Variants in INPP5B observed in about 807,000 individuals in gnomAD.
INPP5B encodes type II inositol 1,4,5-trisphosphate 5-phosphatase.
A neutral mutation model predicts 118.5 loss-of-function variants in INPP5B; 90 were observed. The ratio of observed to expected loss-of-function variants is 0.76; its 90% CI spans 0.64 to 0.90. The LOEUF is 0.90. INPP5B is among the 40% of genes least tolerant of loss of function. INPP5B has a pLI of 0.00. For synonymous variants in INPP5B, 385 were observed against 418.9 expected (o/e 0.92, Z 0.99); for missense variants, 984 against 1,125.6 (o/e 0.87, Z 1.80).
intron 19 of INPP5B, among the ~76,000 whole-genome samples, chr1:37,872,519 C>T (rs1642523506): frequency 6.6e-6 from 1 of 151,818 alleles, no homozygotes; most frequent in South Asian, 2.1e-4. Flanking sequence ...GTTCTTCTCT[C>T]ATGTTCTTGC....
At chr1:37,868,711 T>A (rs1642205933) in intron 19 of INPP5B, 97 bp from the exon 20 acceptor site, 2 of 759,302 alleles carry the variant, frequency 2.6e-6, no homozygotes, top group Non-Finnish European at 2.4e-6. Context: ...AAGGAAAACA[T>A]TCCACTGCCC....
chr1:37,901,787 C>T (rs1429734192), intron 7 of INPP5B, among the ~76,000 whole-genome samples: 1 of 152,036 alleles, frequency 6.6e-6, no homozygotes, highest in African/African-American at 2.4e-5. Context: ...CAGCTCTTGA[C>T]CAGATTTGCC....
intron 5 of INPP5B, 139 bp downstream of exon 5, chr1:37,943,501 T>C: frequency 1.2e-6 from 1 of 809,438 alleles, no homozygotes; most frequent in Admixed American, 2.6e-5. Flanking sequence ...CCCACGGAGA[T>C]GGGCTGTGCC....
Position 37,887,433 on chromosome 1 carries a change from A to G in INPP5B, c.932T>C (p.Phe311Ser). 1 of 1,613,514 alleles carries G rather than the reference A, an allele frequency of 6.2e-7. No homozygotes were observed. Among genetic ancestry groups the G allele is most frequent in the Admixed American group, 1.7e-5 (1 of 59,924 alleles). Residue 311 changes from phenylalanine (F) to serine (S), a missense_variant, in exon 11 of 24, where the codon TTT (phenylalanine) becomes TCT (serine). This residue lies in a region of INPP5B where 634 missense variants were observed against 791.0 expected (regional missense o/e 0.80). Coordinates refer to ENST00000373024, the MANE Select transcript of INPP5B (RefSeq NM_005540.3). ...FQELDLSKEA[F>S]FFHDTPKEEE... is the part of the protein sequence containing the mutation. ...CTCCTTTGGGGTATCGTGAAAGAAAAAAGCTTCCTTACTCAGATCAAGCTC... is the reference window on the plus strand; with the variant it reads ...CTCCTTTGGGGTATCGTGAAAGAAAGAAGCTTCCTTACTCAGATCAAGCTC...
chr1:37,911,919 C>T (rs1055733313), intron 7 of INPP5B, among the ~76,000 whole-genome samples: 27 of 152,180 alleles, frequency 1.8e-4, no homozygotes, highest in Non-Finnish European at 1.5e-4. Context: ...CTGTCCCTCA[C>T]GGCCAGGACT....
chr1:37,901,525 C>T (rs1644330971), intron 7 of INPP5B, among the ~76,000 whole-genome samples: 1 of 152,172 alleles, frequency 6.6e-6, no homozygotes, highest in African/African-American at 2.4e-5. Context: ...AAGGTCATCT[C>T]CTAAGGGCTG....
chr1:37,938,416 C>T (rs1003200777), intron 6 of INPP5B, among the ~76,000 whole-genome samples: 6 of 152,058 alleles, frequency 3.9e-5, no homozygotes, highest in South Asian at 2.1e-4. Flanking sequence ...ATGTGAGCTA[C>T]GAGTCTTCTT....
chr1:37,918,759 G>T (rs1334215715), intron 7 of INPP5B, among the ~76,000 whole-genome samples: 1 of 152,132 alleles, frequency 6.6e-6, no homozygotes, highest in East Asian at 1.9e-4. Flanking sequence ...ACCTCAAAAG[G>T]ATAAACAAAT....
At chr1:37,927,754 G>T (rs1238254245) in intron 7 of INPP5B, among the ~76,000 whole-genome samples, 1 of 151,912 alleles carries the variant, frequency 6.6e-6, no homozygotes, top group Non-Finnish European at 1.5e-5. Flanking sequence ...AGCCAGGATG[G>T]TCTCAATCTC....
At chr1:37,864,855 T>G (rs1641932584) in intron 22 of INPP5B, 1 of 153,564 alleles carries the variant, frequency 6.5e-6, no homozygotes, top group Admixed American at 6.5e-5. Context: ...GTACTCCAGC[T>G]ATCTGCATAT....
intron 7 of INPP5B, chr1:37,931,451 T>A: frequency 2.0e-6 from 3 of 1,528,184 alleles, no homozygotes; most frequent in East Asian, 2.5e-5. Flanking sequence ...GCCTCCGGAT[T>A]CCCAAGTACC....
At chr1:37,896,794 T>C (rs1300889019) in intron 7 of INPP5B, among the ~76,000 whole-genome samples, 17 of 108,768 alleles carry the variant, frequency 1.6e-4, no homozygotes, top group Admixed American at 4.7e-4. Context: ...GTCAGCCCCC[T>C]GCCCGGCCAG....
At chr1:37,942,906 C>G (rs1224678066) in intron 5 of INPP5B, among the ~76,000 whole-genome samples, 1 of 112,374 alleles carries the variant, frequency 8.9e-6, no homozygotes, top group Non-Finnish European at 1.8e-5. Flanking sequence ...GAGATTCTGT[C>G]AAGAAAGAGA....
chr1:37,910,071 C>T (rs992001021), intron 7 of INPP5B, among the ~76,000 whole-genome samples: 3 of 152,196 alleles, frequency 2.0e-5, no homozygotes, highest in Non-Finnish European at 4.4e-5. Context: ...GGAACTCTGG[C>T]CCAAGGCTCT....
chr1:37,891,362 G>C lies in INPP5B; in HGVS notation c.625C>G (p.Pro209Ala). The C allele has an allele frequency of 6.2e-7, 1 of 1,612,932 alleles. No homozygotes were observed. ...GTGAAGGGAGAGTTGCATTACCTTG[G>C]TTGCAAGCTTTCTGGTTTATCTTGA... The part of the protein sequence containing the change: ...RGQDKPESLQ[P>A]RQNKSKSEIT... The change falls in exon 8 of 24, where the codon CCA (proline) becomes GCA (alanine). Residue 209 changes from proline (P) to alanine (A), a missense_variant. Around this residue, in one of 2 missense-constraint regions of INPP5B, gnomAD observed 350 missense variants for 334.6 expected, o/e 1.05. Transcript: ENST00000373024.
rs561167937 is a variant in INPP5B, at chr1:37,887,287, A to G, written c.1014+64T>C. Reference sequence around the variant, plus strand: ...AGATAAAGGTCATGGAAAAGGTGAAAAATGATCTTGGAATTTCCCTGCATG... The same window carrying G: ...AGATAAAGGTCATGGAAAAGGTGAAGAATGATCTTGGAATTTCCCTGCATG... On this transcript the variant is annotated intron_variant, in intron 11 of 23. Transcript: ENST00000373024. 166 of 1,021,436 alleles carry G rather than the reference A, an allele frequency of 1.6e-4. 1 individual carries two copies. In the African/African-American group the frequency reaches 2.5e-3, roughly 16 times the overall value. The allele number at this position is 1,021,436 out of a possible 1,614,324, so 63.3% of individuals were successfully genotyped here. A position where few individuals can be genotyped will look rare whatever the true frequency, so the allele number is the denominator to read the frequency against.
rs886093640 is a variant in INPP5B at position 37,861,009 on chromosome 1, T to C, written c.*1306A>G. On this transcript the variant is annotated 3_prime_UTR_variant, in exon 24 of 24. Coordinates refer to ENST00000373024, the MANE Select transcript of INPP5B (RefSeq NM_005540.3). ...CCAGCTAATTTTTTAAAAATGTTTT[T>C]GTAGAGAGGGGGTCTCCCTGTGTTG... 1.3e-5 allele frequency: 2 copies of C among 152,210 alleles called. No homozygotes were observed. The highest frequency in any genetic ancestry group is 4.8e-5 in the African/African-American group (2 of 41,436). 9.4% of individuals were successfully genotyped at this position (152,210 alleles called of 1,614,324 possible).
At chr1:37,944,495 C>A (rs1299541572) in intron 3 of INPP5B, among the ~76,000 whole-genome samples, 3 of 152,078 alleles carry the variant, frequency 2.0e-5, no homozygotes, top group Non-Finnish European at 4.4e-5. Flanking sequence ...AGCAGTCCTC[C>A]CAGCTCAGAC....
At chr1:37,902,997 AAAG>A (rs1339721108) in intron 7 of INPP5B, among the ~76,000 whole-genome samples, 2 of 152,074 alleles carry the variant, frequency 1.3e-5, no homozygotes, top group East Asian at 3.8e-4. Flanking sequence ...AAAAAAAAGA[AAAG>A]AAAAGAAAAC....
Sources: gnomAD v4.1 joint callset for allele counts (sites outside exome capture counted in the v4.1 genomes callset) on GRCh38, gnomAD v4.1.1 for gene constraint, gnomAD v4.1.1 regional missense constraint, MANE v1.5 for transcripts, NCBI Gene and HGNC (gene_info 2026-07-23, HGNC 2026-07-21) for gene names.